MAGI1: variants seen among roughly 807,000 people sequenced by gnomAD.
MAGI1 encodes the protein membrane associated guanylate kinase, WW and PDZ domain containing 1, also known as membrane-associated guanylate kinase, WW and PDZ domain-containing protein 1.
A neutral mutation model predicts 139.9 loss-of-function variants in MAGI1; 58 were observed. The ratio of observed to expected loss-of-function variants is 0.41; its 90% confidence interval spans 0.34 to 0.52. The LOEUF is 0.52. MAGI1 is among the 20% of genes least tolerant of loss of function. The probability of loss-of-function intolerance (pLI) is 0.12; values close to 1 mark genes in which losing one functional copy is unlikely to be tolerated. For synonymous variants in MAGI1, 812 were observed against 737.9 expected, an observed-to-expected ratio of 1.10 and a Z score of -1.63; for missense variants, 1,874 against 1,901.6, an observed-to-expected ratio of 0.99 and a Z score of 0.27.
intron 12 of MAGI1, among the ~76,000 whole-genome samples, chr3:65,428,565 T>C (rs996749983): frequency 1.3e-5 from 2 of 152,100 alleles, no homozygotes; most frequent in African/African-American, 4.8e-5. Context: ...TTCTGCCAAA[T>C]AGAAATAATC....
intron 1 of MAGI1, among the ~76,000 whole-genome samples, chr3:65,822,849 T>G (rs59369242): frequency 0.019 from 2,827 of 152,216 alleles, 80 homozygotes; most frequent in African/African-American, 0.064. Flanking sequence ...GCTGAACCAT[T>G]TGTGAACCAT....
intron 1 of MAGI1, among the ~76,000 whole-genome samples, chr3:65,904,016 A>AC (rs1263818147): frequency 6.6e-6 from 1 of 152,108 alleles, no homozygotes; most frequent in Non-Finnish European, 1.5e-5. Flanking sequence ...TCAAAAAAAA[A>AC]AAAGAAAGAA....
intron 2 of MAGI1, among the ~76,000 whole-genome samples, chr3:65,588,960 G>T (rs1289473507): frequency 6.6e-6 from 1 of 152,174 alleles, no homozygotes; most frequent in African/African-American, 2.4e-5. Context: ...ATGAGACACT[G>T]AAGTTATCCT....
At chr3:65,792,532 C>T (rs1559887361) in intron 1 of MAGI1, among the ~76,000 whole-genome samples, 1 of 151,786 alleles carries the variant, frequency 6.6e-6, no homozygotes, top group Non-Finnish European at 1.5e-5. Context: ...AATAGAATAG[C>T]TAATAATATA....
At chr3:65,623,412 A>G (rs927316453) in intron 1 of MAGI1, among the ~76,000 whole-genome samples, 1 of 152,228 alleles carries the variant, frequency 6.6e-6, no homozygotes, top group African/African-American at 2.4e-5. Flanking sequence ...AAAAATCATA[A>G]TCACAAATTA....
intron 1 of MAGI1, among the ~76,000 whole-genome samples, chr3:65,751,444 T>C (rs1392428522): frequency 6.6e-6 from 1 of 152,210 alleles, no homozygotes; most frequent in African/African-American, 2.4e-5. Context: ...CTCTTTTCAA[T>C]CTAACATTAT....
chr3:65,443,388 G>A (rs1445414336), intron 7 of MAGI1, among the ~76,000 whole-genome samples: 3 of 152,170 alleles, frequency 2.0e-5, no homozygotes, highest in African/African-American at 4.8e-5. Context: ...CTCTGGGCTG[G>A]CCCATCTTTC....
chr3:65,457,318 A>G (rs1050732416), intron 5 of MAGI1, among the ~76,000 whole-genome samples: 10 of 152,334 alleles, frequency 6.6e-5, no homozygotes, highest in South Asian at 2.1e-4. Flanking sequence ...TATATCAATA[A>G]TCAATTTCTT....
At chr3:65,440,124 C>G in intron 8 of MAGI1, 112 bp from the exon 9 acceptor site, 3 of 1,175,982 alleles carry the variant, frequency 2.6e-6, no homozygotes, top group Non-Finnish European at 3.7e-6. Context: ...GTCTGAGATG[C>G]TAACCCTCGT....
At position 65,448,697 on chromosome 3, in the gene MAGI1, TACACACACAC is replaced by T. The variant is rs10591133; in HGVS notation, c.1043-650_1043-641del. On this transcript the variant is annotated intron_variant, in intron 6 of 22. Coordinates refer to ENST00000402939, the MANE Select transcript of MAGI1 (RefSeq NM_001033057.2). Reference sequence around the variant, plus strand: ...TTAACTGGTTTTGTGAGAAAACACATACACACACACACACACACACACACACACACACTTT... The same window carrying T: ...TTAACTGGTTTTGTGAGAAAACACATACACACACACACACACACACACTTT... Among the ~76,000 whole-genome samples, 47 of 149,830 alleles carry T rather than the reference TACACACACAC, an allele frequency of 3.1e-4. 1 individual carries two copies. Among genetic ancestry groups the T allele is most frequent in the African/African-American group, 9.1e-4 (37 of 40,740 alleles).
At chr3:65,664,074 T>C (rs1379487590) in intron 1 of MAGI1, among the ~76,000 whole-genome samples, 1 of 152,164 alleles carries the variant, frequency 6.6e-6, no homozygotes, top group East Asian at 1.9e-4. Flanking sequence ...TCATTACAAA[T>C]GGTAGGCTAC....
At chr3:66,010,120 T>C (rs182749385) in intron 1 of MAGI1, among the ~76,000 whole-genome samples, 1 of 150,122 alleles carries the variant, frequency 6.7e-6, no homozygotes, top group Admixed American at 6.6e-5. Context: ...ATTGTTTATT[T>C]TTAAAAACAA....
At chr3:65,888,660 C>CT (rs2060624030) in intron 1 of MAGI1, among the ~76,000 whole-genome samples, 1 of 151,582 alleles carries the variant, frequency 6.6e-6, no homozygotes, top group African/African-American at 2.4e-5. Context: ...ATTTAAGAAT[C>CT]TTTAAGATTT....
chr3:66,028,675 G>A (rs2068429823), intron 1 of MAGI1, among the ~76,000 whole-genome samples: 1 of 152,014 alleles, frequency 6.6e-6, no homozygotes, highest in Non-Finnish European at 1.5e-5. Flanking sequence ...ACCACAACCT[G>A]CGACCTGCGA....
At chr3:65,913,973 A>G (rs931333257) in intron 1 of MAGI1, 1 of 151,278 alleles carries the variant, frequency 6.6e-6, no homozygotes, top group Non-Finnish European at 1.5e-5. Context: ...CTTTAAACCC[A>G]GAGAGACCAT....
intron 1 of MAGI1, among the ~76,000 whole-genome samples, chr3:66,000,510 T>A (rs2066689790): frequency 6.6e-6 from 1 of 152,222 alleles, no homozygotes; most frequent in African/African-American, 2.4e-5. Flanking sequence ...ACACATATAC[T>A]GTGATGCTTC....
intron 6 of MAGI1, among the ~76,000 whole-genome samples, chr3:65,451,802 G>C (rs962452978): frequency 6.6e-6 from 1 of 151,818 alleles, no homozygotes; most frequent in East Asian, 1.9e-4. Context: ...ATGCCAACAC[G>C]CCTAGCTAAT....
chr3:65,525,275 G>T (rs918392303), intron 2 of MAGI1, among the ~76,000 whole-genome samples: 2 of 152,110 alleles, frequency 1.3e-5, no homozygotes, highest in Non-Finnish European at 2.9e-5. Context: ...TCTCAAATCT[G>T]CAACTCTGCT....
At chr3:65,433,945 A>C (rs1947651606) in intron 10 of MAGI1, among the ~76,000 whole-genome samples, 1 of 152,132 alleles carries the variant, frequency 6.6e-6, no homozygotes, top group Non-Finnish European at 1.5e-5. Context: ...TGAGCCCTTG[A>C]AATATGGCTA....
Sources: allele counts gnomAD v4.1 joint callset (sites outside exome capture counted in the v4.1 genomes callset), GRCh38; gene constraint gnomAD v4.1.1; transcripts MANE v1.5; gene names NCBI Gene and HGNC (gene_info 2026-07-23, HGNC 2026-07-21).